Variants in TMEM219 observed in about 807,000 individuals in gnomAD.
TMEM219 encodes the protein insulin-like growth factor-binding protein 3 receptor.
Under a neutral mutation model 17.9 loss-of-function variants are expected in TMEM219, and 18 were observed. That is an observed-to-expected ratio of 1.01 (90% CI 0.70 to 1.49). The LOEUF is 1.49. Ranked by LOEUF, TMEM219 falls within the 40% of genes most tolerant of loss-of-function variation. The pLI, the probability that TMEM219 is intolerant of heterozygous loss-of-function variation, is 0.00. For synonymous variants in TMEM219, 113 were observed against 124.0 expected, an observed-to-expected ratio of 0.91 and a Z score of 0.59; for missense variants, 288 against 292.4, an observed-to-expected ratio of 0.99 and a Z score of 0.11.
At chr16:29,968,745 C>T (rs1442653858) in intron 4 of TMEM219, among the ~76,000 whole-genome samples, 1 of 152,212 alleles carries the variant, frequency 6.6e-6, no homozygotes, top group Non-Finnish European at 1.5e-5. Flanking sequence ...TACCAGAGAG[C>T]ATTGTGCACA....
chr16:29,963,521 A>G lies in TMEM219; in HGVS notation c.287A>G (p.Asp96Gly), dbSNP rs1298068106. ...VGLLTTLNFGDGPDRNKTRTF... is the reference protein window; with the variant it reads ...VGLLTTLNFGGGPDRNKTRTF... ...TTGCTGACCACCTTGAACTTCGGAGACGGTCCAGACAGGAACAAGACCCGG... is the reference window on the plus strand; with the variant it reads ...TTGCTGACCACCTTGAACTTCGGAGGCGGTCCAGACAGGAACAAGACCCGG... The change falls in exon 3 of 6, where the codon GAC (aspartate) becomes GGC (glycine). Residue 96 changes from aspartate (D) to glycine (G), a missense_variant. Physicochemically the swap from Asp to Gly is moderately conservative, Grantham distance 94. Coordinates refer to ENST00000279396, the MANE Select transcript of TMEM219 (RefSeq NM_001083613.2). The G allele has an allele frequency of 1.2e-6, 2 of 1,613,946 alleles. No homozygotes were observed. The highest frequency in any genetic ancestry group is 1.3e-5 in the African/African-American group (1 of 74,872).
chr16:29,963,704 G>A, intron 3 of TMEM219, 115 bp downstream of exon 3: 2 of 939,918 alleles, frequency 2.1e-6, no homozygotes, highest in Non-Finnish European at 3.1e-6. Context: ...CCAACATGAT[G>A]AAACACCATC....
intron 3 of TMEM219, among the ~76,000 whole-genome samples, chr16:29,966,247 G>C (rs1469227920): frequency 6.6e-6 from 1 of 152,058 alleles, no homozygotes; most frequent in Non-Finnish European, 1.5e-5. Context: ...CTGTATTCAT[G>C]TTGCCTGTGA....
chr16:29,969,498 C>T (rs1354748821), intron 4 of TMEM219, among the ~76,000 whole-genome samples: 1 of 151,792 alleles, frequency 6.6e-6, no homozygotes, highest in Non-Finnish European at 1.5e-5. Context: ...CCTGGCGACC[C>T]CATTTCTTAA....
At chr16:29,969,515 CAT>C (rs1491110145) in intron 4 of TMEM219, among the ~76,000 whole-genome samples, 5 of 151,492 alleles carry the variant, frequency 3.3e-5, no homozygotes, top group Admixed American at 3.3e-4. Flanking sequence ...TTAAAAAAAA[CAT>C]TTTTTTTTTT....
At chr16:29,968,411 C>G (rs1293904199) in intron 4 of TMEM219, 157 bp downstream of exon 4, 11 of 596,840 alleles carry the variant, frequency 1.8e-5, no homozygotes, top group Non-Finnish European at 3.3e-5. Context: ...CTAAACATCT[C>G]TGAGTGTCAG....
intron 4 of TMEM219, among the ~76,000 whole-genome samples, chr16:29,969,270 C>T (rs1354241167): frequency 6.8e-6 from 1 of 146,662 alleles, no homozygotes; most frequent in Non-Finnish European, 1.5e-5. Flanking sequence ...AATCTCGGCT[C>T]ACTGCAAGCT....
intron 3 of TMEM219, among the ~76,000 whole-genome samples, chr16:29,964,813 T>C: frequency 6.6e-6 from 1 of 152,218 alleles, no homozygotes; most frequent in Non-Finnish European, 1.5e-5. Context: ...TAGTCACTTC[T>C]GTGATTAGGG....
intron 5 of TMEM219, among the ~76,000 whole-genome samples, chr16:29,972,311 T>C (rs1170401500): frequency 6.6e-6 from 1 of 152,248 alleles, no homozygotes; most frequent in African/African-American, 2.4e-5. Context: ...GGACATAGTA[T>C]GTGCCCAAGA....
At position 29,963,289 on chromosome 16, in the gene TMEM219, G is replaced by T. The variant is rs201972818; in HGVS notation, c.146G>T (p.Arg49Leu). 11 of 1,613,854 alleles carry T rather than the reference G, an allele frequency of 6.8e-6. No individual in the cohort carries two copies. The highest frequency in any genetic ancestry group is 1.6e-4 in the Middle Eastern group (1 of 6,084). Residue 49 changes from arginine to leucine, a missense_variant, in exon 2 of 6, where the codon CGC becomes CTC. Transcript: ENST00000279396. ...SFLLTHRTGL[R>L]SPDIPQDWVS... ...CTCCTCACCCACAGGACTGGCCTGC[G>T]CAGCCCTGACATCCCCCAGGTAAGT...
At position 29,966,943 on chromosome 16, in the gene TMEM219, G is replaced by A. The variant is rs540830186; in HGVS notation, c.356-1082G>A. The stretch of plus-strand genomic sequence containing the variant: ...TTATTTTATAAGATAACAGTTTGAC[G>A]CTATGTTTTTTTCTACATGGAAATT... On this transcript the variant is annotated intron_variant, in intron 3 of 5. Transcript: ENST00000279396. Among the ~76,000 whole-genome samples, 57 of 151,714 alleles carry A rather than the reference G, an allele frequency of 3.8e-4. No individual in the cohort carries two copies. The South Asian group carries it at 0.011, about 29-fold the overall frequency.
At chr16:29,965,722 TCGCCATCACGCTCACCTAATTCC>T (rs1272794686) in intron 3 of TMEM219, among the ~76,000 whole-genome samples, 2 of 151,854 alleles carry the variant, frequency 1.3e-5, no homozygotes, top group African/African-American at 4.8e-5. Flanking sequence ...TTACAGGTGC[TCGCCATCACGCTCACCTAATTCC>T]CGCCCCCCAG....
intron 4 of TMEM219, among the ~76,000 whole-genome samples, chr16:29,970,834 C>T (rs958623310): frequency 6.6e-6 from 1 of 151,856 alleles, no homozygotes; most frequent in Non-Finnish European, 1.5e-5. Flanking sequence ...GTCCCAGCTA[C>T]TCAGGAGGCT....
At position 29,969,192 on chromosome 16, in the gene TMEM219, CT is replaced by C. The variant is rs1197231032; in HGVS notation, c.585+960del. On this transcript the variant is annotated intron_variant, in intron 4 of 5. Transcript: ENST00000279396. ...ATAGCAAGACCTCGTTTCTTTTTCG[CT>C]TTTTTTTTTTTTTTTTTTTTTGAGA... Among the ~76,000 whole-genome samples, 121 of 122,970 alleles carry C rather than the reference CT, an allele frequency of 9.8e-4. 1 individual carries two copies. The highest frequency in any genetic ancestry group is 1.9e-3 in the African/African-American group (62 of 33,272). 80.7% of individuals were successfully genotyped at this position (122,970 alleles called of 152,430 possible). A position where few individuals can be genotyped will look rare whatever the true frequency, so the allele number is the denominator to read the frequency against.
Position 29,968,150 on chromosome 16 carries a change from T to C in TMEM219, c.481T>C (p.Ser161Pro). Residue 161 changes from serine to proline, a missense_variant, in exon 4 of 6, where the codon TCA becomes CCA. Coordinates refer to ENST00000279396, the MANE Select transcript of TMEM219 (RefSeq NM_001083613.2). Reference sequence around the variant, plus strand: ...CTCCAGCCAGCCACCCATATCCTGCTCAGAGGAGGGGGCTGGAAATGCCAC... The same window carrying C: ...CTCCAGCCAGCCACCCATATCCTGCCCAGAGGAGGGGGCTGGAAATGCCAC... ...LPSSQPPISC[S>P]EEGAGNATLS... The C allele has an allele frequency of 6.2e-7, 1 of 1,614,086 alleles. No individual in the cohort carries two copies. Among genetic ancestry groups the C allele is most frequent in the Non-Finnish European group, 8.5e-7 (1 of 1,180,016 alleles).
At chr16:29,968,530 A>G in intron 4 of TMEM219, 1 of 351,792 alleles carries the variant, frequency 2.8e-6, no homozygotes, top group Non-Finnish European at 5.2e-6. Context: ...GGACATAGAG[A>G]TTTGATAAGT....
At chr16:29,971,063 G>A (rs572222888) in intron 4 of TMEM219, among the ~76,000 whole-genome samples, 70 of 151,766 alleles carry the variant, frequency 4.6e-4, no homozygotes, top group African/African-American at 1.6e-3. Context: ...TGGCTAACAC[G>A]GTGAAACCCC....
At chr16:29,967,715 C>G (rs896356729) in intron 3 of TMEM219, among the ~76,000 whole-genome samples, 4 of 152,128 alleles carry the variant, frequency 2.6e-5, no homozygotes, top group Admixed American at 2.0e-4. Flanking sequence ...ATCACGAGGT[C>G]AGGAGATCAA....
chr16:29,970,982 C>CA (rs1225144768), intron 4 of TMEM219, among the ~76,000 whole-genome samples: 1 of 150,368 alleles, frequency 6.7e-6, no homozygotes, highest in East Asian at 2.0e-4. Context: ...CGCGGTGTTT[C>CA]ACGCCTGTAA....
Sources: gnomAD v4.1 joint callset for allele counts (sites outside exome capture counted in the v4.1 genomes callset) on GRCh38, gnomAD v4.1.1 for gene constraint, MANE v1.5 for transcripts, NCBI Gene and HGNC (gene_info 2026-07-23, HGNC 2026-07-21) for gene names.